The following EPHA8 variants were observed in gnomAD, a reference collection of about 807,000 sequenced individuals.
EPHA8 encodes ephrin type-A receptor 8.
In EPHA8, 58 loss-of-function variants were observed where a neutral mutation model predicts 103.6. That is an observed-to-expected ratio of 0.56 (90% CI 0.45 to 0.70). The LOEUF (loss-of-function observed/expected upper bound fraction) is 0.70, where lower values mean the gene tolerates loss of function less well. Ranked by LOEUF, EPHA8 falls within the 30% of genes least tolerant of loss-of-function variation. The probability of loss-of-function intolerance (pLI) is 0.00; values close to 1 mark genes in which losing one functional copy is unlikely to be tolerated. For missense variants in EPHA8, 1,304 were observed against 1,395.2 expected, an observed-to-expected ratio of 0.93 and a Z score of 1.04; for synonymous variants, 559 against 572.5, an observed-to-expected ratio of 0.98 and a Z score of 0.34.
chr1:22,566,756 G>C (rs1640370325), intron 1 of EPHA8, among the ~76,000 whole-genome samples: 1 of 152,138 alleles, frequency 6.6e-6, no homozygotes, highest in African/African-American at 2.4e-5. Context: ...GCCCAGGCTG[G>C]GTGGGCCTAA....
At chr1:22,579,202 T>G (rs1363906078) in intron 3 of EPHA8, among the ~76,000 whole-genome samples, 1 of 150,082 alleles carries the variant, frequency 6.7e-6, no homozygotes, top group Non-Finnish European at 1.5e-5. Flanking sequence ...TATGTGTACC[T>G]GTGTGCATGT....
Position 22,597,313 on chromosome 1 carries a change from AC to A in EPHA8, c.1772del (p.Pro591HisfsTer92), listed in dbSNP as rs1261974081. The A allele has an allele frequency of 6.4e-7, 1 of 1,565,562 alleles. No homozygotes were observed. Reference sequence around the variant, plus strand: ...GAAGGCCCTCCTCCCGCCCCTCAGCACCCCCACCTGTCTTCCTGCCTCTGCA... The same window carrying A: ...GAAGGCCCTCCTCCCGCCCCTCAGCACCCCACCTGTCTTCCTGCCTCTGCA... ...EKMHYQNGQA[P>X]PPVFLPLHHP... is the part of the protein sequence containing the mutation. On this transcript the variant is annotated frameshift_variant and splice_region_variant, in exon 10 of 17. Transcript: ENST00000166244. LOFTEE classifies it high-confidence loss of function. This position sits in a 1 kb window ranked among gnomAD's most constrained non-coding sequence, Gnocchi z 4.6.
chr1:22,597,654 C>T lies in EPHA8; in HGVS notation c.1931-22C>T, dbSNP rs769455811. 3.7e-5 allele frequency: 59 copies of T among 1,588,670 alleles called. No individual in the cohort carries two copies. In the Admixed American group the frequency reaches 1.0e-3, roughly 27 times the overall value. On this transcript the variant is annotated intron_variant, in intron 10 of 16. Transcript: ENST00000166244. The surrounding 1 kb of genome is among the most constrained non-coding windows in gnomAD (Gnocchi z 4.6). ...GGGTCCCACTGCCCTCCCTCCACAC[C>T]TGCCCCTCTCGGGGCCTGCAGGAGA...
chr1:22,601,226 T>C (rs1641717879), intron 15 of EPHA8, 74 bp from the exon 16 acceptor site: 2 of 1,542,184 alleles, frequency 1.3e-6, no homozygotes, highest in African/African-American at 1.4e-5. Context: ...CCGAACCCCT[T>C]CCTCAGCCTG....
chr1:22,595,152 G>A, intron 7 of EPHA8, 78 bp from the exon 8 acceptor site: 2 of 1,236,174 alleles, frequency 1.6e-6, no homozygotes, highest in East Asian at 2.5e-5. Flanking sequence ...AGCCAGGCAG[G>A]CTCAGAGGTC....
chr1:22,568,694 C>T (rs556497815), intron 1 of EPHA8, among the ~76,000 whole-genome samples: 4 of 152,338 alleles, frequency 2.6e-5, no homozygotes, highest in South Asian at 4.1e-4. Flanking sequence ...CAGATGTGCA[C>T]GGAGGACGTG....
intron 3 of EPHA8, among the ~76,000 whole-genome samples, chr1:22,580,128 T>TC: frequency 1.1e-4 from 2 of 19,000 alleles, no homozygotes; most frequent in African/African-American, 6.2e-4. Context: ...TTTCTTTCTC[T>TC]TTTTTTTTTT....
chr1:22,599,379 A>T (rs1197752691), intron 13 of EPHA8, among the ~76,000 whole-genome samples: 1 of 152,084 alleles, frequency 6.6e-6, no homozygotes, highest in African/African-American at 2.4e-5. Context: ...CCTAAAACCC[A>T]GCTGTTTTCA....
rs752059573 is a variant in EPHA8 at position 22,586,530 on chromosome 1, C to T, written c.874C>T (p.Arg292Cys). The change falls in exon 4 of 17, where the codon CGC becomes TGC. Residue 292 changes from arginine (R) to cysteine (C), a missense_variant. Arg to Cys is a radical substitution (Grantham distance 180). Coordinates refer to ENST00000166244, the MANE Select transcript of EPHA8 (RefSeq NM_020526.5). ...AGCCCCTGGGGACCAGCTGTGTGCC[C>T]GCTGCCCTCCCCACAGCCACTCCGC... is the stretch of plus-strand genomic sequence containing the variant. ...KSAPGDQLCARCPPHSHSAAP... is the reference protein window; with the variant it reads ...KSAPGDQLCACCPPHSHSAAP... 3.7e-6 allele frequency: 6 copies of T among 1,613,646 alleles called. No individual in the cohort carries two copies. The highest frequency in any genetic ancestry group is 1.7e-5 in the Admixed American group (1 of 59,992).
intron 2 of EPHA8, among the ~76,000 whole-genome samples, chr1:22,574,868 G>A (rs1640639956): frequency 6.6e-6 from 1 of 152,220 alleles, no homozygotes; most frequent in Non-Finnish European, 1.5e-5. Flanking sequence ...CTGCCATACT[G>A]TTTTCCACAG....
intron 2 of EPHA8, among the ~76,000 whole-genome samples, chr1:22,575,747 G>A (rs1640671662): frequency 6.6e-6 from 1 of 152,154 alleles, no homozygotes; most frequent in African/African-American, 2.4e-5. Flanking sequence ...AGCTGTGCAG[G>A]AGAGGCGGCT....
Position 22,597,766 on chromosome 1 carries a change from C to T in EPHA8, c.2021C>T (p.Thr674Met), listed in dbSNP as rs750521094. The T allele has an allele frequency of 4.7e-5, 76 of 1,613,214 alleles. No homozygotes were observed. The highest frequency in any genetic ancestry group is 1.3e-4 in the East Asian group (6 of 44,880). ...ATCAAGGCCCTCAAAGCCGGCTACA[C>T]GGAGAGACAGAGGCGGGACTTCCTG... ...VAIKALKAGY[T>M]ERQRRDFLSE... Residue 674 changes from threonine to methionine, a missense_variant, in exon 11 of 17, where the codon ACG becomes ATG. Coordinates refer to ENST00000166244, the MANE Select transcript of EPHA8 (RefSeq NM_020526.5). This position sits in a 1 kb window ranked among gnomAD's most constrained non-coding sequence, Gnocchi z 4.6.
chr1:22,596,910 G>A (rs1039652866), intron 9 of EPHA8, among the ~76,000 whole-genome samples: 7 of 152,080 alleles, frequency 4.6e-5, no homozygotes, highest in Non-Finnish European at 7.4e-5. Context: ...CGCCCGCCTC[G>A]GCCTCCTAAA....
chr1:22,585,050 T>TGTGTGTGTGTGC lies in EPHA8; in HGVS notation c.824-1429_824-1428insTGTGTGTGTGCG, dbSNP rs71020436. On this transcript the variant is annotated intron_variant, in intron 3 of 16. Coordinates refer to ENST00000166244, the MANE Select transcript of EPHA8 (RefSeq NM_020526.5). ...CTCTGTGTGTGTGTGTGTGTGTGTG[T>TGTGTGTGTGTGC]GCGCACGCGTGTGTCTAGAGTTCCA... 4.0e-3 allele frequency among the ~76,000 whole-genome samples: 378 copies of TGTGTGTGTGTGC among 93,508 alleles called. 1 individual carries two copies. Among genetic ancestry groups the TGTGTGTGTGTGC allele is most frequent in the African/African-American group, 0.02 (333 of 16,716 alleles). 61.3% of individuals were successfully genotyped at this position (93,508 alleles called of 152,430 possible).
At position 22,589,183 on chromosome 1, in the gene EPHA8, T is replaced by G. The variant is rs1458128053; in HGVS notation, c.1292T>G (p.Val431Gly). ...LSPEPRRAAV[V>G]NITTNQAAPS... ...CCCGAGCCCCGCCGGGCCGCTGTGG[T>G]CAACATCACCACGAACCAGGCAGGT... is the stretch of plus-strand genomic sequence containing the variant. The change falls in exon 5 of 17, where the codon GTC becomes GGC. Residue 431 changes from valine to glycine, a missense_variant. Coordinates refer to ENST00000166244, the MANE Select transcript of EPHA8 (RefSeq NM_020526.5). This position sits in a 1 kb window ranked among gnomAD's most constrained non-coding sequence, Gnocchi z 4.3. The G allele has an allele frequency of 2.5e-6, 4 of 1,613,882 alleles. No homozygotes were observed. Among genetic ancestry groups the G allele is most frequent in the Admixed American group, 1.7e-5 (1 of 60,024 alleles).
chr1:22,574,637 G>A (rs969687286), intron 2 of EPHA8, among the ~76,000 whole-genome samples: 1 of 152,082 alleles, frequency 6.6e-6, no homozygotes, highest in African/African-American at 2.4e-5. Flanking sequence ...TCCCTTTTAA[G>A]GCTAATACTC....
At chr1:22,568,225 C>G (rs923105943) in intron 1 of EPHA8, among the ~76,000 whole-genome samples, 47 of 152,312 alleles carry the variant, frequency 3.1e-4, no homozygotes, top group African/African-American at 1.1e-3. Context: ...AATTGAGGGT[C>G]ACTCGCTAAT....
At chr1:22,599,961 A>G (rs142080150) in intron 13 of EPHA8, among the ~76,000 whole-genome samples, 156 of 76,500 alleles carry the variant, frequency 2.0e-3, no homozygotes, top group South Asian at 4.8e-3. Flanking sequence ...GGGAGGGAGG[A>G]AGGAAGGACA....
chr1:22,598,992 A>G lies in EPHA8; in HGVS notation c.2333A>G (p.Asp778Gly). 1 of 1,611,272 alleles carries G rather than the reference A, an allele frequency of 6.2e-7. No individual in the cohort carries two copies. Among genetic ancestry groups the G allele is most frequent in the Non-Finnish European group, 8.5e-7 (1 of 1,179,534 alleles). The change falls in exon 13 of 17, where the codon GAC becomes GGC. Residue 778 changes from aspartate to glycine, a missense_variant. Coordinates refer to ENST00000166244, the MANE Select transcript of EPHA8 (RefSeq NM_020526.5). This position sits in a 1 kb window ranked among gnomAD's most constrained non-coding sequence, Gnocchi z 5.1. Reference sequence around the variant, plus strand: ...AGCAACCTGGTCTGCAAGGTGTCTGACTTCGGGCTCTCACGGGTGCTGGAG... The same window carrying G: ...AGCAACCTGGTCTGCAAGGTGTCTGGCTTCGGGCTCTCACGGGTGCTGGAG... Reference protein sequence around the residue: ...VDSNLVCKVSDFGLSRVLEDD... With the variant: ...VDSNLVCKVSGFGLSRVLEDD...
Sources: gnomAD v4.1 joint callset for allele counts (sites outside exome capture counted in the v4.1 genomes callset) on GRCh38, gnomAD v4.1.1 for gene constraint, Gnocchi (gnomAD v3.1) non-coding constraint, MANE v1.5 for transcripts, NCBI Gene and HGNC (gene_info 2026-07-23, HGNC 2026-07-21) for gene names.